The following FSTL5 variants were observed in gnomAD, a reference collection of about 807,000 sequenced individuals.
FSTL5 encodes the protein follistatin-related protein 5.
In FSTL5, 62 loss-of-function variants were observed where a neutral mutation model predicts 89.1. The ratio of observed to expected loss-of-function variants is 0.70; its 90% confidence interval spans 0.57 to 0.86. The LOEUF (loss-of-function observed/expected upper bound fraction) is 0.86, where lower values mean the gene tolerates loss of function less well. FSTL5 is among the 40% of genes least tolerant of loss of function. FSTL5 has a pLI of 0.00. For synonymous variants in FSTL5, 383 were observed against 346.2 expected (o/e 1.11, Z -1.18); for missense variants, 1,057 against 1,001.6 (o/e 1.06, Z -0.75).
intron 3 of FSTL5, among the ~76,000 whole-genome samples, chr4:161,938,483 A>G (rs973531772): frequency 2.0e-5 from 3 of 152,112 alleles, no homozygotes; most frequent in Non-Finnish European, 4.4e-5. Context: ...TTCTTTTAAA[A>G]TACCATAAAT....
intron 4 of FSTL5, among the ~76,000 whole-genome samples, chr4:161,796,711 C>G (rs922433384): frequency 2.0e-5 from 3 of 151,500 alleles, no homozygotes; most frequent in Non-Finnish European, 4.4e-5. Context: ...CTTTTGCTTA[C>G]TTTAATGCAT....
At chr4:161,481,310 T>G in intron 12 of FSTL5, 141 bp from the exon 13 acceptor site, 1 of 457,026 alleles carries the variant, frequency 2.2e-6, no homozygotes, top group Non-Finnish European at 3.7e-6. Context: ...GTTTAATTAA[T>G]AGAACATATT....
chr4:161,610,751 G>A (rs1324644042), intron 7 of FSTL5, among the ~76,000 whole-genome samples: 1 of 149,856 alleles, frequency 6.7e-6, no homozygotes, highest in Admixed American at 6.7e-5. Flanking sequence ...ATATGAAATT[G>A]TTAACATACT....
chr4:161,893,959 C>T (rs1431513893), intron 4 of FSTL5, among the ~76,000 whole-genome samples: 2 of 152,054 alleles, frequency 1.3e-5, no homozygotes, highest in Non-Finnish European at 2.9e-5. Context: ...TAAGGATTTC[C>T]GAAGGAATGC....
chr4:161,971,231 T>C (rs1259410478), intron 3 of FSTL5, among the ~76,000 whole-genome samples: 2 of 152,182 alleles, frequency 1.3e-5, no homozygotes, highest in Admixed American at 1.3e-4. Context: ...CAGTCATCTC[T>C]GATAACGTGT....
chr4:161,998,369 C>T (rs1040603602), intron 3 of FSTL5, among the ~76,000 whole-genome samples: 1 of 152,152 alleles, frequency 6.6e-6, no homozygotes, highest in Non-Finnish European at 1.5e-5. Context: ...GTACCCCTAT[C>T]TCTCAGTCTC....
At chr4:161,448,594 T>C (rs1157007661) in intron 15 of FSTL5, among the ~76,000 whole-genome samples, 1 of 152,186 alleles carries the variant, frequency 6.6e-6, no homozygotes, top group African/African-American at 2.4e-5. Flanking sequence ...ATTTCCTTGC[T>C]GAATTTATGC....
chr4:161,915,563 C>T (rs1466552363), intron 4 of FSTL5, among the ~76,000 whole-genome samples: 1 of 151,894 alleles, frequency 6.6e-6, no homozygotes, highest in Non-Finnish European at 1.5e-5. Context: ...TTTCACATCA[C>T]CGAATTAAAA....
chr4:162,067,800 C>T (rs1738968043), intron 2 of FSTL5, among the ~76,000 whole-genome samples: 1 of 152,018 alleles, frequency 6.6e-6, no homozygotes, highest in African/African-American at 2.4e-5. Flanking sequence ...TCTAGAAAAC[C>T]CCATTGTCTT....
At chr4:162,071,727 T>C (rs1245411553) in intron 2 of FSTL5, among the ~76,000 whole-genome samples, 1 of 151,768 alleles carries the variant, frequency 6.6e-6, no homozygotes, top group African/African-American at 2.4e-5. Context: ...TTCTCCAGGA[T>C]AGATCATATG....
At chr4:161,760,047 C>A (rs1422988814) in intron 5 of FSTL5, among the ~76,000 whole-genome samples, 1 of 152,026 alleles carries the variant, frequency 6.6e-6, no homozygotes, top group African/African-American at 2.4e-5. Flanking sequence ...GAATTTAAGT[C>A]ATTTGGGATT....
chr4:161,811,489 C>G (rs953671291), intron 4 of FSTL5, among the ~76,000 whole-genome samples: 3 of 152,022 alleles, frequency 2.0e-5, no homozygotes, highest in Admixed American at 1.3e-4. Flanking sequence ...CCCTCACTAA[C>G]CTTTCACTGA....
At chr4:162,039,419 T>C (rs1737865040) in intron 2 of FSTL5, among the ~76,000 whole-genome samples, 1 of 151,908 alleles carries the variant, frequency 6.6e-6, no homozygotes, top group South Asian at 2.1e-4. Flanking sequence ...ATGACTATTT[T>C]TAAAAACAAG....
intron 8 of FSTL5, among the ~76,000 whole-genome samples, chr4:161,587,028 C>G (rs1205083743): frequency 1.3e-5 from 2 of 152,150 alleles, no homozygotes; most frequent in Non-Finnish European, 1.5e-5. Flanking sequence ...GGTCAACATT[C>G]ATAGGTAGAC....
intron 6 of FSTL5, among the ~76,000 whole-genome samples, chr4:161,659,795 T>G (rs764702310): frequency 3.9e-5 from 6 of 152,242 alleles, no homozygotes; most frequent in Non-Finnish European, 7.3e-5. Flanking sequence ...TTTTATTAAC[T>G]ATGGTTAATC....
intron 4 of FSTL5, among the ~76,000 whole-genome samples, chr4:161,852,015 G>T (rs1436029703): frequency 6.6e-6 from 1 of 151,846 alleles, no homozygotes; most frequent in Non-Finnish European, 1.5e-5. Context: ...GTAAGTCATA[G>T]CATTATCAGA....
At chr4:161,674,220 CAT>C (rs1260814328) in intron 6 of FSTL5, among the ~76,000 whole-genome samples, 4 of 151,700 alleles carry the variant, frequency 2.6e-5, no homozygotes, top group Non-Finnish European at 5.9e-5. Flanking sequence ...AATATATACA[CAT>C]ATATGTGTAA....
At chr4:161,469,580 C>A (rs1418269019) in intron 13 of FSTL5, among the ~76,000 whole-genome samples, 1 of 151,778 alleles carries the variant, frequency 6.6e-6, no homozygotes, top group African/African-American at 2.4e-5. Flanking sequence ...TGCATATTGG[C>A]TATATGTATA....
intron 6 of FSTL5, among the ~76,000 whole-genome samples, chr4:161,675,515 T>C (rs1737271206): frequency 2.7e-5 from 4 of 150,298 alleles, no homozygotes. Flanking sequence ...TATCTTTATA[T>C]AATTCATTTT....
Sources: allele counts gnomAD v4.1 joint callset (sites outside exome capture counted in the v4.1 genomes callset), GRCh38; gene constraint gnomAD v4.1.1; transcripts MANE v1.5; gene names NCBI Gene and HGNC (gene_info 2026-07-23, HGNC 2026-07-21).